Variants in TG observed in about 807,000 individuals in gnomAD.
TG encodes thyroglobulin.
A neutral mutation model predicts 324.7 loss-of-function variants in TG; 270 were observed. The observed-to-expected ratio is 0.83, with a 90% CI of 0.75 to 0.92. The LOEUF (loss-of-function observed/expected upper bound fraction) is 0.92. TG is among the 40% of genes least tolerant of loss of function. The pLI is 0.00. For missense variants in TG, 3,591 were observed against 3,456.4 expected (o/e 1.04, Z -0.98); for synonymous variants, 1,401 against 1,327.0 (o/e 1.06, Z -1.21).
intron 35 of TG, among the ~76,000 whole-genome samples, chr8:133,006,063 T>A (rs1041392184): frequency 1.3e-5 from 2 of 152,194 alleles, no homozygotes; most frequent in African/African-American, 4.8e-5. Flanking sequence ...CAATGGTCCA[T>A]GTGTCATCTA....
At chr8:132,924,293 C>T (rs1158725601) in intron 22 of TG, among the ~76,000 whole-genome samples, 2 of 152,168 alleles carry the variant, frequency 1.3e-5, no homozygotes, top group Non-Finnish European at 2.9e-5. Context: ...CAGTAATGCT[C>T]ACTCTCCCAA....
intron 41 of TG, among the ~76,000 whole-genome samples, chr8:133,071,974 A>G (rs186768576): frequency 6.6e-6 from 1 of 152,316 alleles, no homozygotes; most frequent in East Asian, 1.9e-4. Flanking sequence ...TTGTATATAA[A>G]CTGCCTGGCA....
At chr8:132,949,070 CT>C in intron 27 of TG, 127 bp downstream of exon 27, 1 of 788,450 alleles carries the variant, frequency 1.3e-6, no homozygotes, top group Non-Finnish European at 2.0e-6. Context: ...AAAAAAAAAA[CT>C]TTACCAATCA....
At chr8:132,987,110 C>A (rs1831665983) in intron 35 of TG, among the ~76,000 whole-genome samples, 1 of 151,838 alleles carries the variant, frequency 6.6e-6, no homozygotes, top group African/African-American at 2.4e-5. Flanking sequence ...CATATACACA[C>A]AGCCTATGGG....
intron 40 of TG, among the ~76,000 whole-genome samples, chr8:133,028,480 G>C (rs1397155243): frequency 6.6e-6 from 1 of 152,238 alleles, no homozygotes; most frequent in East Asian, 1.9e-4. Flanking sequence ...ACTCTGCTAA[G>C]AGCATCAGCA....
chr8:132,995,331 G>A (rs893122610), intron 35 of TG: 10 of 985,136 alleles, frequency 1.0e-5, no homozygotes, highest in Non-Finnish European at 1.2e-5. Flanking sequence ...GGAATGAGCA[G>A]CAGCTGCTCC....
chr8:132,922,870 G>A (rs541904636), intron 21 of TG, among the ~76,000 whole-genome samples: 3 of 152,130 alleles, frequency 2.0e-5, no homozygotes, highest in African/African-American at 4.8e-5. Flanking sequence ...TGCTAATACC[G>A]TCACACTGGG....
At position 132,867,688 on chromosome 8, in the gene TG, T is replaced by A. The variant is rs1013012586; in HGVS notation, c.68-427T>A. Among the ~76,000 whole-genome samples, 24 of 151,956 alleles carry A rather than the reference T, an allele frequency of 1.6e-4. 1 individual carries two copies. The highest frequency in any genetic ancestry group is 1.3e-3 in the Admixed American group (20 of 15,262). ...TATTTCAATGTTTATCTGGAACATG[T>A]TACATCTGCAGGGCATGGCTTGATA... On this transcript the variant is annotated intron_variant, in intron 1 of 47. Transcript: ENST00000220616.
intron 35 of TG, among the ~76,000 whole-genome samples, chr8:133,009,142 A>G (rs1426318523): frequency 6.6e-6 from 1 of 152,228 alleles, no homozygotes; most frequent in Non-Finnish European, 1.5e-5. Flanking sequence ...CCAGACATCA[A>G]CCTAAACACA....
Position 132,887,508 on chromosome 8 carries a change from C to T in TG, c.2136C>T (p.Ala712=), listed in dbSNP as rs752224915. The T allele has an allele frequency of 4.3e-6, 7 of 1,614,048 alleles. No individual in the cohort carries two copies. In the Admixed American group the frequency reaches 6.7e-5, roughly 15 times the overall value. ...ECYCVDAEGQ[A]IPGTRSAIGK... ...ACTGTGTTGATGCTGAGGGTCAGGC[C>T]ATTCCTGGAACTCGAAGTGCAATAG... is the stretch of plus-strand genomic sequence containing the variant. The change falls in exon 9 of 48, where the codon GCC becomes GCT. Residue 712 remains alanine (A), a synonymous_variant. Transcript: ENST00000220616.
At chr8:132,959,563 G>T (rs375993153) in intron 27 of TG, among the ~76,000 whole-genome samples, 1 of 152,120 alleles carries the variant, frequency 6.6e-6, no homozygotes. Context: ...ATGTAAGTAC[G>T]CCCTATGATC....
At chr8:132,989,376 A>G (rs1026863293) in intron 35 of TG, among the ~76,000 whole-genome samples, 8 of 152,238 alleles carry the variant, frequency 5.3e-5, no homozygotes, top group African/African-American at 1.9e-4. Flanking sequence ...ATACTTCAAC[A>G]TACCATTTGG....
chr8:132,983,052 C>G (rs11785557), intron 34 of TG, among the ~76,000 whole-genome samples: 88,211 of 151,976 alleles, frequency 0.58, 26,877 homozygotes, highest in African/African-American at 0.73. Context: ...AGGCAAGAAG[C>G]TGCCTTTTTC....
chr8:132,902,755 C>T lies in TG; in HGVS notation c.3634+1202C>T, dbSNP rs141450264. ...CATCTAGGAGTGGTCTGCACTGAGA[C>T]CCAGGACACAGACCGGTGTGGCCTC... On this transcript the variant is annotated intron_variant, in intron 16 of 47. Coordinates refer to ENST00000220616, the MANE Select transcript of TG (RefSeq NM_003235.5). 3.3e-5 allele frequency among the ~76,000 whole-genome samples: 5 copies of T among 152,288 alleles called. No homozygotes were observed. In the East Asian group the frequency reaches 9.7e-4, roughly 29 times the overall value.
intron 41 of TG, among the ~76,000 whole-genome samples, chr8:133,068,037 G>A (rs1042195532): frequency 6.6e-6 from 1 of 152,198 alleles, no homozygotes; most frequent in African/African-American, 2.4e-5. Flanking sequence ...TGGGGGCTCA[G>A]CTCAGCATCT....
At chr8:133,011,053 G>A (rs529183523) in intron 35 of TG, among the ~76,000 whole-genome samples, 18 of 152,342 alleles carry the variant, frequency 1.2e-4, no homozygotes, top group African/African-American at 3.8e-4. Flanking sequence ...CAGACTCTCA[G>A]ATGGAGATTT....
chr8:133,041,928 C>T (rs913238800), intron 41 of TG, among the ~76,000 whole-genome samples: 23 of 151,838 alleles, frequency 1.5e-4, no homozygotes, highest in African/African-American at 5.6e-4. Context: ...GCTGGGATTA[C>T]AGTTGCATGC....
At chr8:132,985,658 C>T (rs1166586237) in intron 35 of TG, among the ~76,000 whole-genome samples, 1 of 152,182 alleles carries the variant, frequency 6.6e-6, no homozygotes, top group African/African-American at 2.4e-5. Context: ...AGCTATCCTG[C>T]TGTCACACAC....
intron 34 of TG, among the ~76,000 whole-genome samples, chr8:132,980,159 T>A (rs553588883): frequency 6.6e-5 from 10 of 152,232 alleles, no homozygotes; most frequent in South Asian, 2.1e-4. Context: ...CTTTTTGTCT[T>A]CTAATAAGAT....
Sources: gnomAD v4.1 joint callset for allele counts (sites outside exome capture counted in the v4.1 genomes callset) on GRCh38, gnomAD v4.1.1 for gene constraint, MANE v1.5 for transcripts, NCBI Gene and HGNC (gene_info 2026-07-23, HGNC 2026-07-21) for gene names.